RTN4: variants seen among roughly 807,000 people sequenced by gnomAD.
The protein encoded by RTN4 is reticulon 4, also known as reticulon-4.
A neutral mutation model predicts 90.4 loss-of-function variants in RTN4; 32 were observed. That is an observed-to-expected ratio of 0.35 (90% CI 0.27 to 0.48). RTN4 has a LOEUF of 0.48. Among genes scored for constraint, RTN4 ranks in the 20% least tolerant of loss-of-function variants. The pLI, the probability that RTN4 is intolerant of heterozygous loss-of-function variation, is 0.99. For synonymous variants in RTN4, 629 were observed against 552.5 expected (o/e 1.14, Z -1.94); for missense variants, 1,706 against 1,430.2 (o/e 1.19, Z -3.11).
chr2:55,123,692 T>C, the RTN4 span, among the ~76,000 whole-genome samples: 36 of 152,040 alleles, frequency 2.4e-4, no homozygotes, highest in African/African-American at 7.5e-4. Flanking sequence ...CAAAAGTGGA[T>C]TTTTGCATTT....
At chr2:55,056,331 T>C (rs1188850258) in intron 2 of RTN4, among the ~76,000 whole-genome samples, 1 of 152,114 alleles carries the variant, frequency 6.6e-6, no homozygotes, top group Non-Finnish European at 1.5e-5. Flanking sequence ...CAGTGCTGCA[T>C]TCAGGTAACC....
chr2:55,129,631 AG>A, the RTN4 span, among the ~76,000 whole-genome samples: 42 of 152,002 alleles, frequency 2.8e-4, no homozygotes, highest in Non-Finnish European at 6.0e-4. Flanking sequence ...GTGCTATCTC[AG>A]CTCACTGCAA....
At chr2:55,105,701 T>G (rs946744561) in intron 1 of RTN4, among the ~76,000 whole-genome samples, 1 of 152,110 alleles carries the variant, frequency 6.6e-6, no homozygotes, top group Non-Finnish European at 1.5e-5. Flanking sequence ...CTGAGTGTGG[T>G]GGCTCATGCC....
Position 55,049,672 on chromosome 2 carries a change from A to G in RTN4, c.556+73T>C, listed in dbSNP as rs1324722371. ...GGGGCGGAGAGGAGGGACCAGCCCA[A>G]AGCATCTGGGGCTGCACACAAAAGA... is the stretch of plus-strand genomic sequence containing the variant. On this transcript the variant is annotated intron_variant, in intron 1 of 8. Coordinates refer to ENST00000337526, the MANE Select transcript of RTN4 (RefSeq NM_020532.5). The G allele has an allele frequency of 3.3e-6, 5 of 1,522,708 alleles. No individual in the cohort carries two copies. In the African/African-American group the frequency reaches 4.2e-5, roughly 13 times the overall value. The allele number at this position is 1,522,708 out of a possible 1,614,324, so 94.3% of individuals were successfully genotyped here.
the RTN4 span, among the ~76,000 whole-genome samples, chr2:55,137,693 CT>C: frequency 6.6e-6 from 1 of 152,172 alleles, no homozygotes; most frequent in Non-Finnish European, 1.5e-5. Flanking sequence ...CCCTGAGTGT[CT>C]TCTACCAGCT....
rs1260019097 is a variant in RTN4 at position 54,973,144 on chromosome 2, T to C, written c.*12A>G. On this transcript the variant is annotated 3_prime_UTR_variant, in exon 9 of 9. Coordinates refer to ENST00000337526, the MANE Select transcript of RTN4 (RefSeq NM_020532.5). ...TTTAAAGATGAACTCCTACTAATTA[T>C]TTTGGGCGTTTTCATTCAGCTTTGC... 6.2e-7 allele frequency: 1 copy of C among 1,601,510 alleles called. No individual in the cohort carries two copies. The highest frequency in any genetic ancestry group is 2.2e-5 in the East Asian group (1 of 44,562).
intron 3 of RTN4, 89 bp downstream of exon 3, chr2:55,024,997 A>G: frequency 2.1e-6 from 3 of 1,445,774 alleles, no homozygotes; most frequent in South Asian, 1.4e-5. Flanking sequence ...GAGACACTAT[A>G]AACATAATAT....
chr2:55,136,323 G>C, the RTN4 span, among the ~76,000 whole-genome samples: 8 of 152,312 alleles, frequency 5.3e-5, no homozygotes, highest in Admixed American at 2.6e-4. Flanking sequence ...TCCAGGTGCT[G>C]GCAGGCAACT....
At chr2:55,093,658 A>G (rs1558877131) in intron 1 of RTN4, among the ~76,000 whole-genome samples, 1 of 151,894 alleles carries the variant, frequency 6.6e-6, no homozygotes, top group Non-Finnish European at 1.5e-5. Flanking sequence ...GCCAGGGGGG[A>G]TTAGGAAAGA....
chr2:55,016,186 G>T (rs538954944), intron 3 of RTN4, among the ~76,000 whole-genome samples: 33 of 152,270 alleles, frequency 2.2e-4, no homozygotes, highest in Non-Finnish European at 3.5e-4. Context: ...TAAAGACATG[G>T]AAATGTTTGC....
At chr2:55,028,987 AG>A (rs1265946804) in intron 1 of RTN4, among the ~76,000 whole-genome samples, 1 of 152,184 alleles carries the variant, frequency 6.6e-6, no homozygotes, top group Non-Finnish European at 1.5e-5. Flanking sequence ...CTCATGTTAA[AG>A]CCCCAACCCC....
intron 3 of RTN4, among the ~76,000 whole-genome samples, chr2:55,016,096 G>T (rs1681014945): frequency 6.6e-6 from 1 of 152,044 alleles, no homozygotes; most frequent in African/African-American, 2.4e-5. Flanking sequence ...CAATCTAAGG[G>T]TCCAACAATA....
chr2:55,126,601 T>G, the RTN4 span, among the ~76,000 whole-genome samples: 1 of 152,208 alleles, frequency 6.6e-6, no homozygotes, highest in Non-Finnish European at 1.5e-5. Context: ...ATTCAACCAT[T>G]GTGGAAAGCA....
chr2:54,992,674 A>T (rs142163107), intron 3 of RTN4, among the ~76,000 whole-genome samples: 1,889 of 152,062 alleles, frequency 0.012, 24 homozygotes, highest in Non-Finnish European at 0.018. Flanking sequence ...TGTAGCCATT[A>T]AAAAAAAGTG....
At chr2:55,101,421 A>G (rs572591496) in intron 1 of RTN4, among the ~76,000 whole-genome samples, 1 of 152,258 alleles carries the variant, frequency 6.6e-6, no homozygotes, top group Admixed American at 6.5e-5. Context: ...AAATTCTATA[A>G]TACTAATAAG....
Position 55,026,778 on chromosome 2 carries a change from TACTCTC to T in RTN4, c.1315_1320del (p.Glu439_Ser440del). The T allele has an allele frequency of 6.2e-7, 1 of 1,613,988 alleles. No homozygotes were observed. Among genetic ancestry groups the T allele is most frequent in the Non-Finnish European group, 8.5e-7 (1 of 1,179,900 alleles). On this transcript the variant is annotated inframe_deletion, in exon 3 of 9. Transcript: ENST00000337526. ...CTGGGGAAAGAAGTATCATCATTAC[TACTCTC>T]ACTATCTTTTTCGTGATTAGTTTGC...
At chr2:55,102,831 T>C (rs1667875755) in intron 1 of RTN4, among the ~76,000 whole-genome samples, 1 of 152,128 alleles carries the variant, frequency 6.6e-6, no homozygotes, top group South Asian at 2.1e-4. Flanking sequence ...AAGAAGTTAC[T>C]ATCGTGGCCG....
chr2:55,013,599 G>GTT (rs1326832798), intron 3 of RTN4, among the ~76,000 whole-genome samples: 4 of 68,214 alleles, frequency 5.9e-5, no homozygotes. Flanking sequence ...TTTTTGGTGG[G>GTT]TTTTTTTTTG....
intron 5 of RTN4, among the ~76,000 whole-genome samples, chr2:54,979,623 T>C (rs1014067278): frequency 3.9e-5 from 6 of 152,202 alleles, no homozygotes; most frequent in African/African-American, 1.4e-4. Flanking sequence ...GCTAAATTCT[T>C]GTGTGGCAAA....
Sources: allele counts gnomAD v4.1 joint callset (sites outside exome capture counted in the v4.1 genomes callset), GRCh38; gene constraint gnomAD v4.1.1; transcripts MANE v1.5; gene names NCBI Gene and HGNC (gene_info 2026-07-23, HGNC 2026-07-21).